The following PCDH15 variants were observed in gnomAD, a reference collection of about 807,000 sequenced individuals.
PCDH15 encodes the protein protocadherin-15.
PCDH15 carries 129 observed loss-of-function variants against 178.5 expected under a neutral mutation model. That is an observed-to-expected ratio of 0.72 (90% confidence interval 0.63 to 0.84). PCDH15 has a LOEUF of 0.84. Ranked by LOEUF, PCDH15 falls within the 40% of genes least tolerant of loss-of-function variation. PCDH15 has a pLI of 0.00. For missense variants in PCDH15, 2,230 were observed against 2,099.9 expected, an observed-to-expected ratio of 1.06 and a Z score of -1.21; for synonymous variants, 800 against 732.0, an observed-to-expected ratio of 1.09 and a Z score of -1.50.
chr10:54,967,839 G>A (rs1019872977), intron 2 of PCDH15, among the ~76,000 whole-genome samples: 2 of 152,174 alleles, frequency 1.3e-5, no homozygotes, highest in African/African-American at 2.4e-5. Context: ...CCTCAACTTG[G>A]GGACAGTTAT....
At chr10:54,922,633 C>T (rs952524312) in intron 2 of PCDH15, among the ~76,000 whole-genome samples, 3 of 152,082 alleles carry the variant, frequency 2.0e-5, no homozygotes, top group South Asian at 2.1e-4. Flanking sequence ...ATGATATGTT[C>T]GACTCTGTGT....
At chr10:54,310,166 T>G (rs1278196381) in intron 8 of PCDH15, among the ~76,000 whole-genome samples, 1 of 152,014 alleles carries the variant, frequency 6.6e-6, no homozygotes, top group African/African-American at 2.4e-5. Context: ...TGGAAAGTGG[T>G]CAGATATAAG....
At position 54,170,595 on chromosome 10, in the gene PCDH15, A is replaced by G. The variant is rs368773738; in HGVS notation, c.1590+12849T>C. ...TCTCCCACAATTACCGTCGTTCTTGACCCAGACTTCAATCCGGCCTCCCAC... is the reference window on the plus strand; with the variant it reads ...TCTCCCACAATTACCGTCGTTCTTGGCCCAGACTTCAATCCGGCCTCCCAC... On this transcript the variant is annotated intron_variant, in intron 13 of 37. Coordinates refer to ENST00000644397, the MANE Select transcript of PCDH15 (RefSeq NM_001384140.1). Among the ~76,000 whole-genome samples the G allele has an allele frequency of 5.4e-3, 799 of 148,416 alleles. 11 individuals carry two copies. The highest frequency in any genetic ancestry group is 0.018 in the East Asian group (91 of 5,158).
At chr10:55,057,401 G>A in intron 2 of PCDH15, among the ~76,000 whole-genome samples, 1 of 151,966 alleles carries the variant, frequency 6.6e-6, no homozygotes, top group East Asian at 1.9e-4. Context: ...TTTGAATTTT[G>A]TCATTATTTT....
intron 2 of PCDH15, among the ~76,000 whole-genome samples, chr10:55,383,752 T>A (rs919779557): frequency 9.2e-5 from 14 of 152,102 alleles, no homozygotes; most frequent in Admixed American, 9.2e-4. Context: ...TCTTTAAACA[T>A]AACTGACTGG....
chr10:55,327,914 T>C (rs1460069798), intron 2 of PCDH15, among the ~76,000 whole-genome samples: 1 of 152,090 alleles, frequency 6.6e-6, no homozygotes, highest in East Asian at 1.9e-4. Context: ...TCATGTTTAT[T>C]GGCTGTCAGT....
In PCDH15 at chr10:55,257,515, G is replaced by C. The variant is rs373869617; in HGVS notation, c.-156+62084C>G. On this transcript the variant is annotated intron_variant, in intron 1 of 5. Coordinates refer to the PCDH15 transcript ENST00000458638. ...ATGGCTAACTAGAATAACCAATGCA[G>C]AGAAGTCCTTAAAGGACCTGATGGA... 7.9e-5 allele frequency among the ~76,000 whole-genome samples: 12 copies of C among 152,142 alleles called. No homozygotes were observed. In the East Asian group the frequency reaches 1.2e-3, roughly 15 times the overall value.
chr10:54,535,146 G>A (rs2084337001), intron 2 of PCDH15, among the ~76,000 whole-genome samples: 1 of 152,204 alleles, frequency 6.6e-6, no homozygotes, highest in African/African-American at 2.4e-5. Context: ...GATATTTTAT[G>A]TACCTTAGTG....
At chr10:55,468,237 T>C (rs2132103810) in intron 2 of PCDH15, 1 of 152,264 alleles carries the variant, frequency 6.6e-6, no homozygotes, top group Admixed American at 6.5e-5. Flanking sequence ...TGCCCAACTT[T>C]TACAACTCAG....
intron 2 of PCDH15, among the ~76,000 whole-genome samples, chr10:55,490,537 T>C (rs1237225635): frequency 6.6e-6 from 1 of 151,838 alleles, no homozygotes; most frequent in African/African-American, 2.4e-5. Flanking sequence ...CGGATTGTCC[T>C]AGGGACCTCA....
chr10:55,615,942 A>G (rs1843464455), intron 2 of PCDH15, among the ~76,000 whole-genome samples: 1 of 152,114 alleles, frequency 6.6e-6, no homozygotes. Context: ...ATGTATAAAG[A>G]TGTTTCTGAA....
intron 3 of PCDH15, among the ~76,000 whole-genome samples, chr10:54,461,599 T>C (rs182828172): frequency 1.4e-3 from 211 of 152,288 alleles, no homozygotes; most frequent in African/African-American, 4.7e-3. Flanking sequence ...GCTTAGATAT[T>C]AAATAGCTGA....
At chr10:53,920,484 ATTATT>A (rs1301961026) in intron 25 of PCDH15, among the ~76,000 whole-genome samples, 4 of 152,026 alleles carry the variant, frequency 2.6e-5, no homozygotes, top group Non-Finnish European at 1.5e-5. Context: ...GGGATGATAG[ATTATT>A]TTAATTTTCT....
intron 14 of PCDH15, among the ~76,000 whole-genome samples, chr10:54,140,883 C>T (rs999784633): frequency 3.3e-5 from 5 of 152,058 alleles, no homozygotes; most frequent in African/African-American, 4.8e-5. Context: ...TGAGTTTCAC[C>T]ATGTTGGCCA....
chr10:54,035,946 A>G (rs2093407051), intron 18 of PCDH15, among the ~76,000 whole-genome samples: 1 of 151,970 alleles, frequency 6.6e-6, no homozygotes. Flanking sequence ...AGAAAGTTTG[A>G]GTGGTCTGGA....
chr10:54,526,491 A>G (rs2083375860), intron 3 of PCDH15, among the ~76,000 whole-genome samples: 1 of 152,194 alleles, frequency 6.6e-6, no homozygotes, highest in Admixed American at 6.5e-5. Context: ...GCCATAATTC[A>G]TCACTGTAAC....
intron 3 of PCDH15, among the ~76,000 whole-genome samples, chr10:54,522,740 A>G (rs1338926951): frequency 1.3e-5 from 2 of 152,198 alleles, no homozygotes; most frequent in African/African-American, 4.8e-5. Flanking sequence ...TAACTAAGCA[A>G]ACAAATGATT....
In PCDH15 at chr10:54,897,671, A is replaced by T. The variant is rs142689350; in HGVS notation, c.-79-171T>A. On this transcript the variant is annotated intron_variant, in intron 2 of 5. Transcript: ENST00000458638. ...TTATATGTTCTTACAGCCAGAAACA[A>T]ATGTAATATATGTGTGTACCATTAG... Among the ~76,000 whole-genome samples the T allele has an allele frequency of 9.2e-5, 14 of 152,248 alleles. No individual in the cohort carries two copies. In the East Asian group the frequency reaches 2.7e-3, roughly 29 times the overall value.
At chr10:55,219,591 T>C in intron 1 of PCDH15, among the ~76,000 whole-genome samples, 2 of 151,490 alleles carry the variant, frequency 1.3e-5, no homozygotes, top group East Asian at 3.9e-4. Flanking sequence ...TAAATTTTCT[T>C]ATATATTTAA....
Sources: allele counts gnomAD v4.1 joint callset (sites outside exome capture counted in the v4.1 genomes callset), GRCh38; gene constraint gnomAD v4.1.1; transcripts MANE v1.5; gene names NCBI Gene and HGNC (gene_info 2026-07-23, HGNC 2026-07-21).